The following TP53BP2 variants were observed in gnomAD, a reference collection of about 807,000 sequenced individuals.
TP53BP2 encodes tumor protein p53 binding protein 2, also known as apoptosis-stimulating of p53 protein 2.
Under a neutral mutation model 126.2 loss-of-function variants are expected in TP53BP2, and 62 were observed. The observed-to-expected ratio is 0.49, with a 90% CI of 0.40 to 0.61. TP53BP2 has a LOEUF of 0.61. Ranked by LOEUF, TP53BP2 falls within the 20% of genes least tolerant of loss-of-function variation. The pLI, the probability that TP53BP2 is intolerant of heterozygous loss-of-function variation, is 0.00. For synonymous variants in TP53BP2, 485 were observed against 502.9 expected (o/e 0.96, Z 0.48); for missense variants, 1,215 against 1,402.8 (o/e 0.87, Z 2.14).
At chr1:223,830,591 T>A (rs1663663151) in intron 1 of TP53BP2, among the ~76,000 whole-genome samples, 1 of 150,402 alleles carries the variant, frequency 6.6e-6, no homozygotes, top group Non-Finnish European at 1.5e-5. Context: ...AGATTTTCAC[T>A]ATAGTGTGAG....
intron 3 of TP53BP2, among the ~76,000 whole-genome samples, chr1:223,812,987 C>G (rs956345049): frequency 6.6e-6 from 1 of 152,184 alleles, no homozygotes; most frequent in African/African-American, 2.4e-5. Context: ...CATGAGCCAC[C>G]GCGCTCAGCC....
chr1:223,821,047 A>G, intron 2 of TP53BP2, 173 bp downstream of exon 2: 3 of 779,916 alleles, frequency 3.8e-6, no homozygotes, highest in East Asian at 2.7e-5. Context: ...AAGAAAACCG[A>G]AAAAGACTTC....
chr1:223,842,442 A>G (rs991457021), intron 1 of TP53BP2, among the ~76,000 whole-genome samples: 30 of 152,240 alleles, frequency 2.0e-4, no homozygotes, highest in Non-Finnish European at 3.4e-4. Flanking sequence ...GCAAAGATAC[A>G]GAGCATTTCC....
chr1:223,804,717 T>C (rs1358213667), intron 5 of TP53BP2, among the ~76,000 whole-genome samples: 1 of 152,160 alleles, frequency 6.6e-6, no homozygotes, highest in Non-Finnish European at 1.5e-5. Context: ...TGCACAAGAT[T>C]TGGAGTACAT....
At chr1:223,793,030 G>GA (rs1373317544) in intron 14 of TP53BP2, among the ~76,000 whole-genome samples, 1 of 152,106 alleles carries the variant, frequency 6.6e-6, no homozygotes, top group African/African-American at 2.4e-5. Flanking sequence ...GACTCCAAGT[G>GA]AAAACCGAAC....
chr1:223,796,397 A>T lies in TP53BP2; in HGVS notation c.2142T>A (p.Asn714Lys). Residue 714 changes from asparagine to lysine, a missense_variant, in exon 13 of 18, where the codon AAT becomes AAA. Coordinates refer to ENST00000343537, the MANE Select transcript of TP53BP2 (RefSeq NM_001031685.3). This position sits in a 1 kb window ranked among gnomAD's most constrained non-coding sequence, Gnocchi z 4.2. The stretch of plus-strand genomic sequence containing the variant: ...CAGCATCACTCTGGTTTCGGTAAGG[A>T]TTAGATAAGAAAGGCAGTAATTTAG... ...SPTKLLPFLS[N>K]PYRNQSDADL... is the part of the protein sequence containing the mutation. 1 of 1,614,186 alleles carries T rather than the reference A, an allele frequency of 6.2e-7. No individual in the cohort carries two copies. Among genetic ancestry groups the T allele is most frequent in the Non-Finnish European group, 8.5e-7 (1 of 1,180,032 alleles).
In TP53BP2 at chr1:223,792,417, T is replaced by C; in HGVS notation, c.2968A>G (p.Asn990Asp). The C allele has an allele frequency of 6.2e-7, 1 of 1,612,706 alleles. No individual in the cohort carries two copies. Among genetic ancestry groups the C allele is most frequent in the South Asian group, 1.1e-5 (1 of 90,734 alleles). ...IVKFLVQFGV[N>D]VNAADSDGWT... Reference sequence around the variant, plus strand: ...CCATCACTATCAGCAGCATTTACATTTACACCAAACTGTACCAGGAACTTA... The same window carrying C: ...CCATCACTATCAGCAGCATTTACATCTACACCAAACTGTACCAGGAACTTA... The change falls in exon 15 of 18, where the codon AAT (asparagine) becomes GAT (aspartate). Residue 990 changes from asparagine (N) to aspartate (D), a missense_variant. Physicochemically the swap from Asn to Asp is conservative, Grantham distance 23. Around this residue, in one of 4 missense-constraint regions of TP53BP2, gnomAD observed 151 missense variants for 231.2 expected, o/e 0.65. Transcript: ENST00000343537.
At chr1:223,831,479 AAATATATATATATATATATAT>A (rs1199036662) in intron 1 of TP53BP2, among the ~76,000 whole-genome samples, 1 of 46,158 alleles carries the variant, frequency 2.2e-5, no homozygotes, top group Non-Finnish European at 4.1e-5. Context: ...AAAAAAAAAA[AAATATATATATATATATATAT>A]ATATATATAT....
At position 223,802,785 on chromosome 1, in the gene TP53BP2, C is replaced by A; in HGVS notation, c.942G>T (p.Leu314=). The A allele has an allele frequency of 6.2e-7, 1 of 1,614,162 alleles. No homozygotes were observed. The highest frequency in any genetic ancestry group is 8.5e-7 in the Non-Finnish European group (1 of 1,180,018). ...CCTTCTTCTTCCACAGCCGGTCCCT[C>A]AGCTCATTAACACGCTTATCCATGA... ...VAVMDKRVNE[L]RDRLWKKKAA... The change falls in exon 8 of 18, where the codon CTG becomes CTT. Residue 314 remains leucine, a synonymous_variant. Coordinates refer to ENST00000343537, the MANE Select transcript of TP53BP2 (RefSeq NM_001031685.3).
At chr1:223,843,575 TTAAA>T (rs2102896385) in intron 1 of TP53BP2, among the ~76,000 whole-genome samples, 1 of 152,338 alleles carries the variant, frequency 6.6e-6, no homozygotes, top group South Asian at 2.1e-4. Flanking sequence ...AACTGTACAC[TTAAA>T]TATAGTTAAA....
intron 3 of TP53BP2, among the ~76,000 whole-genome samples, chr1:223,813,457 C>T (rs2102865125): frequency 6.6e-6 from 1 of 152,200 alleles, no homozygotes; most frequent in African/African-American, 2.4e-5. Flanking sequence ...GACTCACAGC[C>T]TCTTAACTCT....
intron 10 of TP53BP2, 75 bp downstream of exon 10, chr1:223,800,625 A>T (rs1332460023): frequency 2.0e-6 from 2 of 1,013,126 alleles, no homozygotes; most frequent in African/African-American, 1.7e-5. Flanking sequence ...GAGAAAATGG[A>T]CTCTCTAAAA....
chr1:223,815,571 T>A (rs1663056755), intron 2 of TP53BP2, among the ~76,000 whole-genome samples: 1 of 152,194 alleles, frequency 6.6e-6, no homozygotes, highest in East Asian at 1.9e-4. Flanking sequence ...CACGCTGGAC[T>A]GCCCCAGAAA....
chr1:223,798,208 A>C lies in TP53BP2; in HGVS notation c.1948+7T>G, dbSNP rs778390503. 6 of 1,609,606 alleles carry C rather than the reference A, an allele frequency of 3.7e-6. No homozygotes were observed. In the African/African-American group the frequency reaches 5.4e-5, roughly 14 times the overall value. Reference sequence around the variant, plus strand: ...AGCACGTCACCTATGAACGTTAAGAACCTTACCACTTGAAAAGTGTGGCCC... The same window carrying C: ...AGCACGTCACCTATGAACGTTAAGACCCTTACCACTTGAAAAGTGTGGCCC... On this transcript the variant is annotated splice_region_variant and intron_variant, in intron 12 of 17. Coordinates refer to ENST00000343537, the MANE Select transcript of TP53BP2 (RefSeq NM_001031685.3).
At chr1:223,802,572 T>G in intron 8 of TP53BP2, 159 bp downstream of exon 8, 1 of 1,005,200 alleles carries the variant, frequency 9.9e-7, no homozygotes, top group Non-Finnish European at 1.5e-6. Flanking sequence ...CATTAAAAAG[T>G]AAAAAAGCAG....
intron 1 of TP53BP2, among the ~76,000 whole-genome samples, chr1:223,842,715 A>T (rs1249212737): frequency 6.6e-6 from 1 of 152,264 alleles, no homozygotes; most frequent in African/African-American, 2.4e-5. Context: ...CACTTCACAA[A>T]ATCAAAGTAG....
At chr1:223,790,588 T>A (rs1571839753) in intron 15 of TP53BP2, among the ~76,000 whole-genome samples, 1 of 150,642 alleles carries the variant, frequency 6.6e-6, no homozygotes, top group Non-Finnish European at 1.5e-5. Context: ...AAAATTTTTT[T>A]AAATTCCCCA....
At chr1:223,839,347 G>C (rs892517098) in intron 1 of TP53BP2, among the ~76,000 whole-genome samples, 2 of 152,206 alleles carry the variant, frequency 1.3e-5, no homozygotes, top group East Asian at 3.8e-4. Context: ...TAAATCACCA[G>C]GCACAGTGTG....
intron 1 of TP53BP2, chr1:223,845,319 C>T (rs968859467): frequency 3.5e-5 from 32 of 903,740 alleles, no homozygotes; most frequent in Non-Finnish European, 3.8e-5. Flanking sequence ...GTATTCTTGA[C>T]CTTCAAGAAC....
Sources: allele counts gnomAD v4.1 joint callset (sites outside exome capture counted in the v4.1 genomes callset), GRCh38; gene constraint gnomAD v4.1.1; regional missense constraint gnomAD v4.1.1; non-coding constraint Gnocchi (gnomAD v3.1); transcripts MANE v1.5; gene names NCBI Gene and HGNC (gene_info 2026-07-23, HGNC 2026-07-21).